Variants in EXD3 observed in about 807,000 individuals in gnomAD.
The protein encoded by EXD3 is exonuclease mut-7 homolog.
A neutral mutation model predicts 98.0 loss-of-function variants in EXD3; 92 were observed. The observed-to-expected ratio is 0.94, with a 90% CI of 0.79 to 1.12. The LOEUF (loss-of-function observed/expected upper bound fraction) is 1.12, where lower values mean the gene tolerates loss of function less well. Among genes scored for constraint, EXD3 ranks in the 50% most tolerant of loss-of-function variants. EXD3 has a pLI of 0.00. For synonymous variants in EXD3, 569 were observed against 526.0 expected (o/e 1.08, Z -1.12); for missense variants, 1,222 against 1,191.6 (o/e 1.03, Z -0.38).
intron 1 of EXD3, among the ~76,000 whole-genome samples, chr9:137,419,498 C>T (rs1472639776): frequency 2.0e-5 from 3 of 151,606 alleles, no homozygotes; most frequent in South Asian, 2.1e-4. Context: ...GGTAAAACCC[C>T]GTTTCTACTA....
At chr9:137,382,361 G>C (rs377321266) in intron 3 of EXD3, among the ~76,000 whole-genome samples, 1 of 145,596 alleles carries the variant, frequency 6.9e-6, no homozygotes, top group African/African-American at 2.5e-5. Context: ...AAGGACAGTG[G>C]AATCCCACAA....
intron 17 of EXD3, among the ~76,000 whole-genome samples, chr9:137,328,664 A>C (rs1414459584): frequency 1.1e-5 from 1 of 90,378 alleles, no homozygotes; most frequent in South Asian, 4.1e-4. Flanking sequence ...ACACGGGACT[A>C]CACGGGACTA....
Position 137,351,114 on chromosome 9 carries a change from C to A in EXD3, c.1418G>T (p.Gly473Val). The change falls in exon 14 of 22, where the codon GGC (glycine) becomes GTC (valine). Residue 473 changes from glycine (G) to valine (V), a missense_variant. Gly to Val is a moderately radical substitution (Grantham distance 109). Coordinates refer to ENST00000340951, the MANE Select transcript of EXD3 (RefSeq NM_017820.5). Reference protein sequence around the residue: ...YGMVGDLQKLGTSCPALAHVE... With the variant: ...YGMVGDLQKLVTSCPALAHVE... ...ATGGGCCAGGGCGGGGCAGGACGTG[C>A]CCAGTTTTTGCAGGTCCCCCACCAT... 1.3e-6 allele frequency: 2 copies of A among 1,583,458 alleles called. No individual in the cohort carries two copies. The highest frequency in any genetic ancestry group is 1.7e-6 in the Non-Finnish European group (2 of 1,165,734).
At chr9:137,352,343 GC>G in intron 11 of EXD3, 142 bp from the exon 12 acceptor site, 1 of 1,230,586 alleles carries the variant, frequency 8.1e-7, no homozygotes, top group Non-Finnish European at 1.1e-6. Context: ...GCTCAGTCCA[GC>G]CCAGCGTGAC....
At chr9:137,348,756 TTAGA>T (rs1834087896) in intron 16 of EXD3, among the ~76,000 whole-genome samples, 1 of 21,350 alleles carries the variant, frequency 4.7e-5, no homozygotes, top group Admixed American at 6.6e-4. Context: ...CGGGGAGGGG[TTAGA>T]TAGAGAGGGG....
At chr9:137,323,924 C>T in intron 18 of EXD3, 68 bp from the exon 19 acceptor site, 2 of 1,543,440 alleles carry the variant, frequency 1.3e-6, no homozygotes, top group South Asian at 1.2e-5. Flanking sequence ...CCCAGCCCGC[C>T]TCCGCCAGCA....
At chr9:137,411,096 G>A (rs1245957049) in intron 1 of EXD3, among the ~76,000 whole-genome samples, 1 of 152,210 alleles carries the variant, frequency 6.6e-6, no homozygotes, top group Non-Finnish European at 1.5e-5. Context: ...TAGGGCCCCT[G>A]GACCACCGCA....
intron 1 of EXD3, among the ~76,000 whole-genome samples, chr9:137,408,412 T>C (rs1289726473): frequency 6.6e-6 from 1 of 151,444 alleles, no homozygotes; most frequent in Non-Finnish European, 1.5e-5. Context: ...CCGGGCGTGG[T>C]GGCGGGCGCC....
chr9:137,368,228 G>T (rs753315335), intron 5 of EXD3, among the ~76,000 whole-genome samples: 43 of 152,242 alleles, frequency 2.8e-4, no homozygotes, highest in Non-Finnish European at 5.4e-4. Context: ...GCTTGGCCTG[G>T]ATGGGGCAGC....
At chr9:137,310,525 C>T (rs1224855551) in intron 19 of EXD3, among the ~76,000 whole-genome samples, 1 of 152,200 alleles carries the variant, frequency 6.6e-6, no homozygotes, top group Non-Finnish European at 1.5e-5. Flanking sequence ...CACGCCCAGC[C>T]CCTCTGGGTG....
At chr9:137,368,392 T>A (rs1480691741) in intron 5 of EXD3, among the ~76,000 whole-genome samples, 29 of 152,084 alleles carry the variant, frequency 1.9e-4, no homozygotes. Context: ...CAGAACACAA[T>A]GGTGCCTGCA....
chr9:137,352,615 C>A lies in EXD3; in HGVS notation c.1037+5G>T. On this transcript the variant is annotated splice_donor_5th_base_variant and intron_variant, in intron 11 of 21. Coordinates refer to ENST00000340951, the MANE Select transcript of EXD3 (RefSeq NM_017820.5). Reference sequence around the variant, plus strand: ...CCTGGCTGGGGTCACCCTGGCGGCGCTCACCTCCCCTGGAGCCTGAACCGG... The same window carrying A: ...CCTGGCTGGGGTCACCCTGGCGGCGATCACCTCCCCTGGAGCCTGAACCGG... The A allele has an allele frequency of 1.3e-6, 2 of 1,538,394 alleles. No individual in the cohort carries two copies. Among genetic ancestry groups the A allele is most frequent in the Non-Finnish European group, 8.8e-7 (1 of 1,142,102 alleles).
chr9:137,396,821 C>A (rs934229237), intron 1 of EXD3, among the ~76,000 whole-genome samples: 1 of 152,238 alleles, frequency 6.6e-6, no homozygotes, highest in African/African-American at 2.4e-5. Flanking sequence ...CTGCAAACGA[C>A]GTAAAACTGG....
chr9:137,369,315 G>C (rs1305004973), intron 5 of EXD3, among the ~76,000 whole-genome samples: 2 of 152,136 alleles, frequency 1.3e-5, no homozygotes, highest in East Asian at 1.9e-4. Flanking sequence ...TTCACACAAG[G>C]GCTCTGATCC....
At chr9:137,420,599 C>T (rs554544075) in intron 1 of EXD3, among the ~76,000 whole-genome samples, 9 of 152,248 alleles carry the variant, frequency 5.9e-5, no homozygotes, top group Admixed American at 1.3e-4. Context: ...CAATAAAAAG[C>T]CCCTTGGGAT....
At chr9:137,369,794 G>A (rs561169269) in intron 5 of EXD3, among the ~76,000 whole-genome samples, 4 of 152,338 alleles carry the variant, frequency 2.6e-5, no homozygotes, top group Admixed American at 1.3e-4. Flanking sequence ...CTGCGACCCC[G>A]TCAGAGGCAG....
chr9:137,362,658 G>A (rs1258601968), intron 7 of EXD3, among the ~76,000 whole-genome samples: 1 of 151,966 alleles, frequency 6.6e-6, no homozygotes, highest in South Asian at 2.1e-4. Flanking sequence ...CACCGTGCAC[G>A]GCCCCTTTGC....
rs1229817423 is a variant in EXD3 at position 137,371,482 on chromosome 9, C to T, written c.462+1423G>A. ...AATGCACCTCCTCACGGTGAGGGGT[C>T]TTGCTGGGAAGAGGAACCCAGGGTG... is the stretch of plus-strand genomic sequence containing the variant. On this transcript the variant is annotated intron_variant, in intron 5 of 21. Transcript: ENST00000340951. This position sits in a 1 kb window ranked among gnomAD's most constrained non-coding sequence, Gnocchi z 8.0. 3.9e-5 allele frequency among the ~76,000 whole-genome samples: 6 copies of T among 152,264 alleles called. No individual in the cohort carries two copies. In the East Asian group the frequency reaches 1.2e-3, roughly 29 times the overall value.
chr9:137,318,664 C>T (rs944556395), intron 19 of EXD3, among the ~76,000 whole-genome samples: 6 of 152,184 alleles, frequency 3.9e-5, no homozygotes, highest in Non-Finnish European at 7.4e-5. Flanking sequence ...ACTTGAGACC[C>T]ACAGCCACTG....
Sources: allele counts gnomAD v4.1 joint callset (sites outside exome capture counted in the v4.1 genomes callset), GRCh38; gene constraint gnomAD v4.1.1; non-coding constraint Gnocchi (gnomAD v3.1); transcripts MANE v1.5; gene names NCBI Gene and HGNC (gene_info 2026-07-23, HGNC 2026-07-21).